STK35: variants seen among roughly 807,000 people sequenced by gnomAD.
STK35 encodes the protein serine/threonine-protein kinase 35.
STK35 carries 17 observed loss-of-function variants against 37.3 expected under a neutral mutation model. That is an observed-to-expected ratio of 0.46 (90% CI 0.31 to 0.68). The LOEUF (loss-of-function observed/expected upper bound fraction) is 0.68. Among genes scored for constraint, STK35 ranks in the 30% least tolerant of loss-of-function variants. STK35 has a pLI of 0.05. For synonymous variants in STK35, 385 were observed against 319.1 expected (o/e 1.21, Z -2.20); for missense variants, 595 against 746.7 (o/e 0.80, Z 2.37).
rs1986276252 is a variant in STK35, at chr20:2,146,758, C to G, written c.*3012C>G. 6.5e-6 allele frequency: 1 copy of G among 152,834 alleles called. No homozygotes were observed. The highest frequency in any genetic ancestry group is 1.5e-5 in the Non-Finnish European group (1 of 68,278). The allele number at this position is 152,834 out of a possible 1,614,324, so 9.5% of individuals were successfully genotyped here. A position where few individuals can be genotyped will look rare whatever the true frequency, so the allele number is the denominator to read the frequency against. The stretch of plus-strand genomic sequence containing the variant: ...GAGGGCTGTAGCCAGGTCCGCATCT[C>G]CCCACCACCACCAGGGCACTCACTC... On this transcript the variant is annotated 3_prime_UTR_variant, in exon 4 of 4. Transcript: ENST00000381482.
At chr20:2,130,530 C>T (rs1391754566) in intron 3 of STK35, among the ~76,000 whole-genome samples, 1 of 152,176 alleles carries the variant, frequency 6.6e-6, no homozygotes, top group Non-Finnish European at 1.5e-5. Flanking sequence ...GTCACATGGG[C>T]AGCCTGGTGA....
chr20:2,126,051 G>C (rs770569968), intron 3 of STK35, among the ~76,000 whole-genome samples: 8 of 152,162 alleles, frequency 5.3e-5, no homozygotes, highest in Non-Finnish European at 8.8e-5. Flanking sequence ...AGTTGATGAG[G>C]ACCCAGCAGA....
intron 3 of STK35, among the ~76,000 whole-genome samples, chr20:2,124,006 A>C (rs1456280584): frequency 2.6e-5 from 4 of 152,220 alleles, no homozygotes; most frequent in Non-Finnish European, 5.9e-5. Flanking sequence ...CTTTCAAGTA[A>C]ATTCCTGAAG....
intron 3 of STK35, among the ~76,000 whole-genome samples, chr20:2,137,343 T>C (rs1372922424): frequency 6.6e-6 from 1 of 152,176 alleles, no homozygotes; most frequent in Non-Finnish European, 1.5e-5. Context: ...CCAAAGCCCA[T>C]GCCTTGAGAG....
intron 2 of STK35, among the ~76,000 whole-genome samples, chr20:2,107,367 A>G (rs1349032299): frequency 2.0e-5 from 3 of 152,238 alleles, no homozygotes; most frequent in Non-Finnish European, 4.4e-5. Context: ...ACTTGATAAG[A>G]CACTAATTGT....
chr20:2,105,473 A>C (rs2122538951), intron 2 of STK35, among the ~76,000 whole-genome samples: 1 of 152,364 alleles, frequency 6.6e-6, no homozygotes, highest in Middle Eastern at 3.4e-3. Flanking sequence ...TCAAAATTCC[A>C]AAGTGACCCC....
At chr20:2,112,059 C>T (rs1052830643) in intron 2 of STK35, among the ~76,000 whole-genome samples, 4 of 152,206 alleles carry the variant, frequency 2.6e-5, no homozygotes, top group Non-Finnish European at 5.9e-5. Context: ...CTCAGCTCAC[C>T]GCACCTCTGT....
chr20:2,103,887 C>G (rs1985461120), intron 2 of STK35, among the ~76,000 whole-genome samples: 1 of 152,184 alleles, frequency 6.6e-6, no homozygotes, highest in African/African-American at 2.4e-5. Context: ...GCCTTTTCCT[C>G]TGAGGCCCCC....
At chr20:2,123,743 G>A (rs1985858628) in intron 3 of STK35, among the ~76,000 whole-genome samples, 1 of 152,200 alleles carries the variant, frequency 6.6e-6, no homozygotes, top group Admixed American at 6.5e-5. Flanking sequence ...CGTTTTAGGT[G>A]AGAAGTTGGG....
intron 1 of STK35, 69 bp from the exon 2 acceptor site, chr20:2,102,699 C>G: frequency 1.6e-6 from 2 of 1,283,590 alleles, no homozygotes; most frequent in Middle Eastern, 4.6e-4. Context: ...GGAGGTGGGA[C>G]GCCCCGCGGC....
chr20:2,112,925 T>A (rs1379898610), intron 2 of STK35, among the ~76,000 whole-genome samples: 1 of 152,160 alleles, frequency 6.6e-6, no homozygotes, highest in Admixed American at 6.5e-5. Flanking sequence ...ATGTGGGGAT[T>A]TTAGTGGTTG....
intron 1 of STK35, among the ~76,000 whole-genome samples, chr20:2,102,425 G>A (rs1456819060): frequency 1.3e-5 from 2 of 152,180 alleles, no homozygotes; most frequent in Non-Finnish European, 2.9e-5. Context: ...GCGTCACAGA[G>A]GGGGCCAAGC....
At chr20:2,127,464 A>G (rs887745747) in intron 3 of STK35, among the ~76,000 whole-genome samples, 1 of 152,240 alleles carries the variant, frequency 6.6e-6, no homozygotes, top group Non-Finnish European at 1.5e-5. Flanking sequence ...GTTAGTAACC[A>G]GATTGCATCT....
chr20:2,108,454 G>C (rs1320840935), intron 2 of STK35, among the ~76,000 whole-genome samples: 2 of 152,168 alleles, frequency 1.3e-5, no homozygotes, highest in Non-Finnish European at 2.9e-5. Context: ...AGGCTGCAGT[G>C]AGCTGAGATC....
chr20:2,113,410 A>G (rs1238231829), intron 2 of STK35, among the ~76,000 whole-genome samples: 1 of 152,214 alleles, frequency 6.6e-6, no homozygotes, highest in East Asian at 1.9e-4. Context: ...CTGGGAAATC[A>G]AGTGAGTATA....
intron 3 of STK35, among the ~76,000 whole-genome samples, chr20:2,127,720 G>A (rs1295575383): frequency 6.6e-6 from 1 of 152,136 alleles, no homozygotes; most frequent in Non-Finnish European, 1.5e-5. Flanking sequence ...CCTTCAGAGA[G>A]CACATAGCTC....
chr20:2,128,875 T>TC lies in STK35; in HGVS notation c.*37+11461dup, dbSNP rs1365415702. Among the ~76,000 whole-genome samples, 3 of 152,052 alleles carry TC rather than the reference T, an allele frequency of 2.0e-5. No homozygotes were observed. In the East Asian group the frequency reaches 5.8e-4, roughly 29 times the overall value. ...GGTTTTTTTTGAGGTGGAGTCTCGCTCTGTTGCCAGGCTGGAGTGCAGTGA... is the reference window on the plus strand; with the variant it reads ...GGTTTTTTTTGAGGTGGAGTCTCGCTCCTGTTGCCAGGCTGGAGTGCAGTGA... On this transcript the variant is annotated intron_variant, in intron 3 of 3. Coordinates refer to ENST00000381482, the MANE Select transcript of STK35 (RefSeq NM_080836.4).
chr20:2,129,437 C>T (rs1985961448), intron 3 of STK35, among the ~76,000 whole-genome samples: 1 of 152,128 alleles, frequency 6.6e-6, no homozygotes, highest in African/African-American at 2.4e-5. Context: ...TGCCAGTTCT[C>T]GGGCACGCTG....
At chr20:2,133,630 G>A (rs1197735692) in intron 3 of STK35, among the ~76,000 whole-genome samples, 1 of 152,164 alleles carries the variant, frequency 6.6e-6, no homozygotes, top group Non-Finnish European at 1.5e-5. Context: ...GTTCTCAGAC[G>A]CAGACAAGAT....
Sources: gnomAD v4.1 joint callset for allele counts (sites outside exome capture counted in the v4.1 genomes callset) on GRCh38, gnomAD v4.1.1 for gene constraint, MANE v1.5 for transcripts, NCBI Gene and HGNC (gene_info 2026-07-23, HGNC 2026-07-21) for gene names.